CAMK4: variants seen among roughly 807,000 people sequenced by gnomAD.
CAMK4 encodes calcium/calmodulin dependent protein kinase IV.
Under a neutral mutation model 44.9 loss-of-function variants are expected in CAMK4, and 22 were observed. The ratio of observed to expected loss-of-function variants is 0.49; its 90% CI spans 0.35 to 0.70. CAMK4 has a LOEUF of 0.70. CAMK4 is among the 30% of genes least tolerant of loss of function. CAMK4 has a pLI of 0.01. For missense variants in CAMK4, 498 were observed against 586.8 expected, an observed-to-expected ratio of 0.85 and a Z score of 1.56; for synonymous variants, 218 against 215.4, an observed-to-expected ratio of 1.01 and a Z score of -0.11.
chr5:111,273,691 A>ATATATATATATATT lies in CAMK4; in HGVS notation c.161+49060_161+49061insTTATATATATATAT, dbSNP rs1750620240. ...AAAAAATGCATTTATATATATATAT[A>ATATATATATATATT]TATATATATATATATATATATATAT... On this transcript the variant is annotated intron_variant, in intron 1 of 10. Coordinates refer to ENST00000282356, the MANE Select transcript of CAMK4 (RefSeq NM_001744.6). Among the ~76,000 whole-genome samples the ATATATATATATATT allele has an allele frequency of 1.2e-4, 6 of 50,168 alleles. 1 individual carries two copies. Among genetic ancestry groups the ATATATATATATATT allele is most frequent in the South Asian group, 2.1e-3 (2 of 958 alleles). 32.9% of individuals were successfully genotyped at this position (50,168 alleles called of 152,430 possible).
At position 111,484,423 on chromosome 5, in the gene CAMK4, G is replaced by C; in HGVS notation, c.1379G>C (p.Gly460Ala). ...PREGQGSSAVGFEVPQQDVIL... is the reference protein window; with the variant it reads ...PREGQGSSAVAFEVPQQDVIL... ...GAAGGGCAAGGAAGCTCTGCTGTGGGTTTTGAAGTTCCACAGCAAGATGTG... is the reference window on the plus strand; with the variant it reads ...GAAGGGCAAGGAAGCTCTGCTGTGGCTTTTGAAGTTCCACAGCAAGATGTG... The change falls in exon 11 of 11, where the codon GGT (glycine) becomes GCT (alanine). Residue 460 changes from glycine (G) to alanine (A), a missense_variant. By Grantham distance (60) the Gly-to-Ala change is moderately conservative (BLOSUM62 0). Transcript: ENST00000282356. The surrounding 1 kb of genome is among the most constrained non-coding windows in gnomAD (Gnocchi z 5.3). The C allele has an allele frequency of 6.5e-7, 1 of 1,536,202 alleles. No individual in the cohort carries two copies. The highest frequency in any genetic ancestry group is 1.4e-5 in the African/African-American group (1 of 72,216).
intron 8 of CAMK4, 25 bp downstream of exon 8, chr5:111,473,411 TG>T (rs1755132712): frequency 7.1e-7 from 1 of 1,409,566 alleles, no homozygotes; most frequent in African/African-American, 1.4e-5. Context: ...GCAATATTTA[TG>T]TAAACTATTT....
chr5:111,226,297 C>G lies in CAMK4; in HGVS notation c.161+1653C>G, dbSNP rs116520547. On this transcript the variant is annotated intron_variant, in intron 1 of 10. Coordinates refer to ENST00000282356, the MANE Select transcript of CAMK4 (RefSeq NM_001744.6). ...AAAAAAATAAACTGCCAATTGTATA[C>G]CCCTATGAGATGGTAGCCTGCATAG... Among the ~76,000 whole-genome samples, 624 of 152,302 alleles carry G rather than the reference C, an allele frequency of 4.1e-3. 3 individuals are homozygous for G. Among genetic ancestry groups the G allele is most frequent in the South Asian group, 9.9e-3 (48 of 4,828 alleles).
chr5:111,425,615 C>G (rs1753199180), intron 5 of CAMK4, among the ~76,000 whole-genome samples: 1 of 152,120 alleles, frequency 6.6e-6, no homozygotes, highest in African/African-American at 2.4e-5. Flanking sequence ...GAAAGAAAAG[C>G]TAAAAGGAAT....
At chr5:111,465,795 A>G (rs1007985248) in intron 7 of CAMK4, among the ~76,000 whole-genome samples, 4 of 152,206 alleles carry the variant, frequency 2.6e-5, no homozygotes, top group Non-Finnish European at 5.9e-5. Context: ...ATTGGGACCA[A>G]TCCTATTGAC....
At chr5:111,408,454 C>T (rs1469296512) in intron 5 of CAMK4, among the ~76,000 whole-genome samples, 2 of 152,058 alleles carry the variant, frequency 1.3e-5, no homozygotes, top group Non-Finnish European at 2.9e-5. Flanking sequence ...ATGGGAAAAC[C>T]CCTCTGCATA....
chr5:111,272,523 A>G (rs1394077799), intron 1 of CAMK4, among the ~76,000 whole-genome samples: 1 of 152,192 alleles, frequency 6.6e-6, no homozygotes, highest in African/African-American at 2.4e-5. Flanking sequence ...ACATACATTC[A>G]CATAAAACTT....
intron 1 of CAMK4, among the ~76,000 whole-genome samples, chr5:111,339,834 TATTA>T (rs1315232098): frequency 1.2e-4 from 18 of 151,430 alleles, no homozygotes; most frequent in Non-Finnish European, 2.1e-4. Context: ...ATTTTAACAA[TATTA>T]ATTCTTTCAA....
chr5:111,230,565 G>GAA (rs34590737), intron 1 of CAMK4, among the ~76,000 whole-genome samples: 2 of 141,772 alleles, frequency 1.4e-5, no homozygotes, highest in Non-Finnish European at 1.6e-5. Context: ...GATTTTGGGG[G>GAA]AAAAAAAAAA....
chr5:111,394,917 G>A, intron 5 of CAMK4, 135 bp downstream of exon 5: 2 of 630,496 alleles, frequency 3.2e-6, no homozygotes, highest in South Asian at 2.1e-5. Context: ...ATTAGAAAAT[G>A]TGTGGAATAA....
At chr5:111,318,233 T>A (rs1300666723) in intron 1 of CAMK4, among the ~76,000 whole-genome samples, 2 of 152,180 alleles carry the variant, frequency 1.3e-5, no homozygotes, top group African/African-American at 4.8e-5. Context: ...AGAATTTCCA[T>A]ATTTGGATTT....
intron 1 of CAMK4, among the ~76,000 whole-genome samples, chr5:111,234,021 G>T (rs1346387758): frequency 1.3e-5 from 2 of 152,054 alleles, no homozygotes; most frequent in African/African-American, 2.4e-5. Flanking sequence ...GTTTTAAAAA[G>T]CACATTAATG....
At position 111,488,933 on chromosome 5, in the gene CAMK4, G is replaced by T. The variant is rs1304649862; in HGVS notation, c.*4467G>T. The T allele has an allele frequency of 6.6e-6, 1 of 152,172 alleles. No individual in the cohort carries two copies. Among genetic ancestry groups the T allele is most frequent in the East Asian group, 1.9e-4 (1 of 5,208 alleles). 9.4% of individuals were successfully genotyped at this position (152,172 alleles called of 1,614,324 possible). ...GCAAAATTTCCAGATAGTAACCTAT[G>T]TAAAAGGATTTGTAATTTCCTTGTA... On this transcript the variant is annotated 3_prime_UTR_variant, in exon 11 of 11. Transcript: ENST00000282356.
At chr5:111,378,836 G>A (rs560421538) in intron 4 of CAMK4, among the ~76,000 whole-genome samples, 26 of 152,214 alleles carry the variant, frequency 1.7e-4, no homozygotes, top group Non-Finnish European at 3.1e-4. Flanking sequence ...CAAATTTGAA[G>A]TGGCTTTATG....
chr5:111,421,687 G>A (rs1753037447), intron 5 of CAMK4, among the ~76,000 whole-genome samples: 1 of 152,064 alleles, frequency 6.6e-6, no homozygotes, highest in Non-Finnish European at 1.5e-5. Flanking sequence ...GGACATATCA[G>A]CATTATATTC....
chr5:111,399,854 T>G (rs1225934538), intron 5 of CAMK4, among the ~76,000 whole-genome samples: 1 of 152,218 alleles, frequency 6.6e-6, no homozygotes, highest in Non-Finnish European at 1.5e-5. Context: ...GGAGGCTTAT[T>G]ACAGTGGGTA....
intron 1 of CAMK4, among the ~76,000 whole-genome samples, chr5:111,284,873 C>G (rs1254576412): frequency 1.3e-5 from 2 of 151,852 alleles, no homozygotes; most frequent in Admixed American, 6.6e-5. Context: ...TTATCTTTTT[C>G]TAAATCATGA....
chr5:111,469,172 A>AAAATAT (rs1561507432), intron 7 of CAMK4, among the ~76,000 whole-genome samples: 10 of 31,976 alleles, frequency 3.1e-4, no homozygotes, highest in Non-Finnish European at 4.0e-4. Context: ...AAAAAAAAAA[A>AAAATAT]ATATATATAT....
chr5:111,381,797 T>C (rs1242673452), intron 4 of CAMK4, among the ~76,000 whole-genome samples: 1 of 152,188 alleles, frequency 6.6e-6, no homozygotes, highest in African/African-American at 2.4e-5. Flanking sequence ...TGACCCACCA[T>C]TGCTGAGAGC....
Sources: allele counts gnomAD v4.1 joint callset (sites outside exome capture counted in the v4.1 genomes callset), GRCh38; gene constraint gnomAD v4.1.1; non-coding constraint Gnocchi (gnomAD v3.1); transcripts MANE v1.5; gene names NCBI Gene and HGNC (gene_info 2026-07-23, HGNC 2026-07-21).